Variants in STX19 observed in about 807,000 individuals in gnomAD.
STX19 encodes the protein syntaxin 19, also known as syntaxin-19.
Under a neutral mutation model 24.3 loss-of-function variants are expected in STX19, and 26 were observed. The observed-to-expected ratio is 1.07, with a 90% CI of 0.78 to 1.48. The LOEUF (loss-of-function observed/expected upper bound fraction) is 1.48. STX19 is among the 40% of genes most tolerant of loss of function. The pLI is 0.00. For missense variants in STX19, 367 were observed against 331.9 expected, an observed-to-expected ratio of 1.11 and a Z score of -0.82; for synonymous variants, 116 against 106.9, an observed-to-expected ratio of 1.09 and a Z score of -0.52.
chr3:94,014,727 A>C lies in STX19; in HGVS notation c.543T>G (p.Asp181Glu). The change falls in exon 2 of 2, where the codon GAT becomes GAG. Residue 181 changes from aspartate (D) to glutamate (E), a missense_variant. Asp to Glu is a conservative substitution (Grantham distance 45). Transcript: ENST00000315099. ...EVAGKEMSEE[D>E]VNDMLHQGKW... Reference sequence around the variant, plus strand: ...TTCCTTGATGAAGCATATCATTTACATCTTCTTCAGACATCTCTTTTCCAG... The same window carrying C: ...TTCCTTGATGAAGCATATCATTTACCTCTTCTTCAGACATCTCTTTTCCAG... The C allele has an allele frequency of 1.2e-6, 2 of 1,613,056 alleles. No individual in the cohort carries two copies. Among genetic ancestry groups the C allele is most frequent in the Non-Finnish European group, 1.7e-6 (2 of 1,179,748 alleles).
In STX19 at chr3:94,015,045, C is replaced by T. The variant is rs968616997; in HGVS notation, c.225G>A (p.Gln75=). 6.8e-6 allele frequency: 11 copies of T among 1,613,912 alleles called. No individual in the cohort carries two copies. The African/African-American group carries it at 1.1e-4, about 16-fold the overall frequency. Residue 75 remains glutamine (Q), a synonymous_variant, in exon 2 of 2, where the codon CAG becomes CAA. Transcript: ENST00000315099. ...TTCTCATTGAAGCCACCAGACTTTT[C>T]TGTTGCTGCCCAAATTTTTGAACAT... The part of the protein sequence containing the change: ...ADNVQKFGQQ[Q]KSLVASMRRF...
At chr3:94,024,582 C>G (rs35775946) in intron 1 of STX19, among the ~76,000 whole-genome samples, 1 of 151,900 alleles carries the variant, frequency 6.6e-6, no homozygotes, top group Non-Finnish European at 1.5e-5. Context: ...CTTTTTTGGG[C>G]GTGTTGTTTT....
intron 1 of STX19, among the ~76,000 whole-genome samples, chr3:94,028,157 G>A (rs979410303): frequency 1.3e-5 from 2 of 151,784 alleles, no homozygotes; most frequent in Non-Finnish European, 2.9e-5. Flanking sequence ...TTTTATTATC[G>A]TAGTCTATTT....
chr3:94,016,119 A>T (rs1178008032), intron 1 of STX19, among the ~76,000 whole-genome samples: 1 of 152,130 alleles, frequency 6.6e-6, no homozygotes, highest in Non-Finnish European at 1.5e-5. Flanking sequence ...AATGATATAG[A>T]TATATATGAA....
intron 1 of STX19, among the ~76,000 whole-genome samples, chr3:94,024,156 A>G (rs887885482): frequency 1.3e-5 from 2 of 152,208 alleles, no homozygotes; most frequent in Admixed American, 1.3e-4. Flanking sequence ...ATTAATAGAG[A>G]AAGGATCTCG....
rs2076290356 is a variant in STX19 at position 94,014,669 on chromosome 3, C to T, written c.601G>A (p.Glu201Lys). 1.2e-6 allele frequency: 2 copies of T among 1,613,418 alleles called. No individual in the cohort carries two copies. The highest frequency in any genetic ancestry group is 1.7e-5 in the Admixed American group (1 of 59,952). Residue 201 changes from glutamate to lysine, a missense_variant, in exon 2 of 2, where the codon GAA becomes AAA. Coordinates refer to ENST00000315099, the MANE Select transcript of STX19 (RefSeq NM_001001850.3). The part of the protein sequence containing the change: ...WEVFNESLLT[E>K]INITKAQLSE... ...AGTTGTGCTTTAGTGATATTGATTT[C>T]TGTAAGTAAGCTTTCATTAAAAACT...
intron 1 of STX19, among the ~76,000 whole-genome samples, chr3:94,025,137 A>G (rs2076528602): frequency 6.6e-6 from 1 of 151,816 alleles, no homozygotes. Flanking sequence ...TTATCCATGT[A>G]ATATCATTCC....
At chr3:94,020,930 C>T (rs1233606827) in intron 1 of STX19, among the ~76,000 whole-genome samples, 1 of 152,012 alleles carries the variant, frequency 6.6e-6, no homozygotes, top group Non-Finnish European at 1.5e-5. Context: ...TTCCATACGC[C>T]TCTTCCTCTG....
intron 1 of STX19, among the ~76,000 whole-genome samples, chr3:94,023,212 A>C (rs958103872): frequency 1.3e-5 from 2 of 152,236 alleles, no homozygotes; most frequent in South Asian, 4.1e-4. Context: ...TTTTCTGTGG[A>C]TATAAGTTTC....
At chr3:94,026,144 A>G (rs2076553344) in intron 1 of STX19, among the ~76,000 whole-genome samples, 1 of 151,484 alleles carries the variant, frequency 6.6e-6, no homozygotes, top group South Asian at 2.1e-4. Context: ...CTCAGCCTCC[A>G]GAGTAGCTGG....
At chr3:94,016,649 C>CTTT (rs11442452) in intron 1 of STX19, among the ~76,000 whole-genome samples, 2 of 142,474 alleles carry the variant, frequency 1.4e-5, no homozygotes, top group Non-Finnish European at 3.0e-5. Context: ...ATTAAGCTTT[C>CTTT]TTTTTTTTTT....
intron 1 of STX19, among the ~76,000 whole-genome samples, chr3:94,026,587 CAA>C (rs1309974018): frequency 2.6e-5 from 4 of 152,016 alleles, no homozygotes; most frequent in Admixed American, 2.6e-4. Context: ...CAAAATGAGA[CAA>C]ATAAGCATGT....
Position 94,028,500 on chromosome 3 carries a change from CT to C in STX19, c.-148del, listed in dbSNP as rs1330298478. 1 of 152,182 alleles carries C rather than the reference CT, an allele frequency of 6.6e-6. No homozygotes were observed. The highest frequency in any genetic ancestry group is 1.5e-5 in the Non-Finnish European group (1 of 68,030). The allele number at this position is 152,182 out of a possible 1,614,324, so 9.4% of individuals were successfully genotyped here. A position where few individuals can be genotyped will look rare whatever the true frequency, so the allele number is the denominator to read the frequency against. On this transcript the variant is annotated 5_prime_UTR_variant, in exon 1 of 2. It introduces an in-frame stop codon into an upstream open reading frame of the 5' UTR. Transcript: ENST00000315099. Reference sequence around the variant, plus strand: ...TGTCTTATAGGGCACAGACTAATTTCTGTATAGTTTTCATGTTGTTAATTTG... The same window carrying C: ...TGTCTTATAGGGCACAGACTAATTTCGTATAGTTTTCATGTTGTTAATTTG...
At chr3:94,019,138 A>G (rs1005254395) in intron 1 of STX19, among the ~76,000 whole-genome samples, 5 of 151,834 alleles carry the variant, frequency 3.3e-5, no homozygotes, top group Non-Finnish European at 7.4e-5. Flanking sequence ...ATCTCTTTCA[A>G]AATGTATTTG....
chr3:94,016,230 G>A (rs1404804169), intron 1 of STX19, among the ~76,000 whole-genome samples: 1 of 152,040 alleles, frequency 6.6e-6, no homozygotes, highest in Admixed American at 6.6e-5. Context: ...CATTTTTGAA[G>A]ATAAGAAGAG....
intron 1 of STX19, among the ~76,000 whole-genome samples, chr3:94,016,756 C>T (rs2076341527): frequency 6.6e-6 from 1 of 151,504 alleles, no homozygotes; most frequent in Non-Finnish European, 1.5e-5. Context: ...AAGTGATTCT[C>T]CTGCCTCAGC....
In STX19 at chr3:94,027,909, T is replaced by G. The variant is rs532442225; in HGVS notation, c.-14+458A>C. On this transcript the variant is annotated intron_variant, in intron 1 of 1. Transcript: ENST00000315099. ...ATTCTAGTAAACAACAATGAAGCAATTAAGACCATTATAGCAAATTATTTC... is the reference window on the plus strand; with the variant it reads ...ATTCTAGTAAACAACAATGAAGCAAGTAAGACCATTATAGCAAATTATTTC... Among the ~76,000 whole-genome samples the G allele has an allele frequency of 4.6e-5, 7 of 152,240 alleles. No homozygotes were observed. In the South Asian group the frequency reaches 1.4e-3, roughly 32 times the overall value.
At chr3:94,016,424 A>G (rs2107497571) in intron 1 of STX19, among the ~76,000 whole-genome samples, 1 of 151,684 alleles carries the variant, frequency 6.6e-6, no homozygotes, top group Middle Eastern at 3.4e-3. Context: ...TAGATGGTGT[A>G]AAATTTGGAG....
chr3:94,022,000 A>G (rs2076459071), intron 1 of STX19, among the ~76,000 whole-genome samples: 1 of 152,046 alleles, frequency 6.6e-6, no homozygotes, highest in Admixed American at 6.5e-5. Context: ...CCCCTTTCCA[A>G]TTCTCCATTC....
Sources: allele counts gnomAD v4.1 joint callset (sites outside exome capture counted in the v4.1 genomes callset), GRCh38; gene constraint gnomAD v4.1.1; transcripts MANE v1.5; gene names NCBI Gene and HGNC (gene_info 2026-07-23, HGNC 2026-07-21).